LRP1B: variants seen among roughly 807,000 people sequenced by gnomAD.
LRP1B encodes the protein LDL receptor related protein 1B, also known as low-density lipoprotein receptor-related protein 1B.
LRP1B carries 217 observed loss-of-function variants against 556.6 expected under a neutral mutation model. The observed-to-expected ratio is 0.39, with a 90% CI of 0.35 to 0.44. The LOEUF is 0.44. Ranked by LOEUF, LRP1B falls within the 20% of genes least tolerant of loss-of-function variation. The pLI, the probability that LRP1B is intolerant of heterozygous loss-of-function variation, is 1.00. For synonymous variants in LRP1B, 2,047 were observed against 1,865.8 expected (o/e 1.10, Z -2.50); for missense variants, 5,053 against 5,620.8 (o/e 0.90, Z 3.23).
At chr2:140,327,610 C>T (rs1459630573) in intron 79 of LRP1B, among the ~76,000 whole-genome samples, 1 of 151,820 alleles carries the variant, frequency 6.6e-6, no homozygotes, top group African/African-American at 2.4e-5. Flanking sequence ...TCTCTCTCCT[C>T]TACCAATGTG....
intron 3 of LRP1B, among the ~76,000 whole-genome samples, chr2:141,393,230 C>T (rs1441382686): frequency 1.3e-5 from 2 of 152,110 alleles, no homozygotes; most frequent in African/African-American, 4.8e-5. Context: ...AACATACACA[C>T]ACACACACAC....
At chr2:141,005,842 G>A (rs978558109) in intron 14 of LRP1B, among the ~76,000 whole-genome samples, 1 of 152,016 alleles carries the variant, frequency 6.6e-6, no homozygotes, top group African/African-American at 2.4e-5. Flanking sequence ...GGAACAGAAA[G>A]CAAGTGAGGG....
intron 18 of LRP1B, 31 bp downstream of exon 18, chr2:140,982,129 G>T: frequency 1.3e-6 from 2 of 1,526,782 alleles, no homozygotes; most frequent in Non-Finnish European, 1.8e-6. Flanking sequence ...GACACAATCT[G>T]TAATAATAAC....
chr2:141,404,396 T>A (rs1195689083), intron 3 of LRP1B, among the ~76,000 whole-genome samples: 1 of 152,088 alleles, frequency 6.6e-6, no homozygotes, highest in East Asian at 1.9e-4. Context: ...AGAATAACAA[T>A]CTTAAAAAAG....
At chr2:141,065,840 G>A (rs533066791) in intron 7 of LRP1B, among the ~76,000 whole-genome samples, 17 of 151,684 alleles carry the variant, frequency 1.1e-4, no homozygotes, top group Admixed American at 4.0e-4. Flanking sequence ...GCATCTCCCC[G>A]CACCAGGAAC....
chr2:141,444,780 C>A (rs1394737996), intron 3 of LRP1B, among the ~76,000 whole-genome samples: 1 of 152,156 alleles, frequency 6.6e-6, no homozygotes, highest in Admixed American at 6.5e-5. Context: ...ATGAAGCTGA[C>A]TTGATCATGG....
intron 23 of LRP1B, among the ~76,000 whole-genome samples, chr2:140,891,811 G>A (rs145780650): frequency 8.5e-5 from 13 of 152,270 alleles, no homozygotes; most frequent in Admixed American, 2.0e-4. Flanking sequence ...GATGTCATCA[G>A]CTGTCTCTTG....
intron 1 of LRP1B, among the ~76,000 whole-genome samples, chr2:142,039,426 G>A (rs1034330640): frequency 6.6e-6 from 1 of 150,916 alleles, no homozygotes; most frequent in African/African-American, 2.4e-5. Flanking sequence ...GTCTCTGTGT[G>A]ACAGATCACT....
intron 2 of LRP1B, among the ~76,000 whole-genome samples, chr2:141,636,155 C>A (rs1689102244): frequency 6.6e-6 from 1 of 152,004 alleles, no homozygotes; most frequent in Non-Finnish European, 1.5e-5. Flanking sequence ...AGCTTAATAT[C>A]CACTTATAAA....
At chr2:141,179,557 T>G (rs1157948930) in intron 7 of LRP1B, among the ~76,000 whole-genome samples, 1 of 152,006 alleles carries the variant, frequency 6.6e-6, no homozygotes, top group Non-Finnish European at 1.5e-5. Flanking sequence ...GTTAATGGGT[T>G]TACCTCTGCA....
intron 1 of LRP1B, among the ~76,000 whole-genome samples, chr2:141,998,299 T>TG (rs1452432617): frequency 6.6e-6 from 1 of 152,072 alleles, no homozygotes; most frequent in Non-Finnish European, 1.5e-5. Flanking sequence ...CTCTCTACTT[T>TG]GAAAAAAAGA....
At chr2:140,555,541 C>T (rs1004068067) in intron 43 of LRP1B, among the ~76,000 whole-genome samples, 1 of 152,010 alleles carries the variant, frequency 6.6e-6, no homozygotes, top group Non-Finnish European at 1.5e-5. Context: ...ACACAGTAAG[C>T]TCTTAATAAT....
intron 2 of LRP1B, among the ~76,000 whole-genome samples, chr2:141,544,491 A>G (rs149111955): frequency 2.1e-3 from 314 of 148,084 alleles, no homozygotes; most frequent in Admixed American, 3.6e-3. Context: ...ATGTTGTGCA[A>G]TCAGGTCTTG....
chr2:141,897,844 A>G (rs1487457305), intron 1 of LRP1B, among the ~76,000 whole-genome samples: 2 of 152,128 alleles, frequency 1.3e-5, no homozygotes, highest in Admixed American at 1.3e-4. Context: ...CACGGTTATA[A>G]ATTTTTCCAT....
At chr2:141,810,722 A>G (rs1415931426) in intron 1 of LRP1B, among the ~76,000 whole-genome samples, 1 of 152,126 alleles carries the variant, frequency 6.6e-6, no homozygotes, top group East Asian at 1.9e-4. Flanking sequence ...TTAGTTTTAT[A>G]TAAGATGTTG....
At chr2:140,791,420 C>A (rs1343685993) in intron 32 of LRP1B, among the ~76,000 whole-genome samples, 1 of 151,700 alleles carries the variant, frequency 6.6e-6, no homozygotes, top group Non-Finnish European at 1.5e-5. Context: ...CAGAGTGAGA[C>A]CCTGTCTCTA....
At chr2:140,640,270 C>T (rs1229271174) in intron 41 of LRP1B, among the ~76,000 whole-genome samples, 8 of 149,610 alleles carry the variant, frequency 5.3e-5, no homozygotes, top group South Asian at 4.4e-4. Context: ...GGATTACAGG[C>T]GTGAGCCATC....
Position 140,769,289 on chromosome 2 carries a change from A to C in LRP1B, c.5682T>G (p.Leu1894=). Reference sequence around the variant, plus strand: ...AAGCATCCATTTTGTCACTTGGTTCAAGAGGTATTCCCCTGATTCCTTCAT... The same window carrying C: ...AAGCATCCATTTTGTCACTTGGTTCCAGAGGTATTCCCCTGATTCCTTCAT... ...SVHEGIRGIP[L]EPSDKMDALM... Residue 1894 remains leucine, a synonymous_variant, in exon 35 of 91, where the codon CTT becomes CTG. Transcript: ENST00000389484. 1 of 1,612,274 alleles carries C rather than the reference A, an allele frequency of 6.2e-7. No homozygotes were observed. Among genetic ancestry groups the C allele is most frequent in the South Asian group, 1.1e-5 (1 of 91,038 alleles).
chr2:140,356,598 AGGTTAC>A, intron 74 of LRP1B, 122 bp from the exon 75 acceptor site: 1 of 650,758 alleles, frequency 1.5e-6, no homozygotes, highest in South Asian at 2.0e-5. Flanking sequence ...TGAATGTACA[AGGTTAC>A]GGTCTTCTCT....
Sources: allele counts gnomAD v4.1 joint callset (sites outside exome capture counted in the v4.1 genomes callset), GRCh38; gene constraint gnomAD v4.1.1; transcripts MANE v1.5; gene names NCBI Gene and HGNC (gene_info 2026-07-23, HGNC 2026-07-21).